The following SUMF2 variants were observed in gnomAD, a reference collection of about 807,000 sequenced individuals.
The protein encoded by SUMF2 is sulfatase modifying factor 2, also known as inactive C-alpha-formylglycine-generating enzyme 2.
Under a neutral mutation model 44.8 loss-of-function variants are expected in SUMF2, and 45 were observed. The ratio of observed to expected loss-of-function variants is 1.00; its 90% confidence interval spans 0.79 to 1.29. SUMF2 has a LOEUF of 1.29. Ranked by LOEUF, SUMF2 falls within the 50% of genes most tolerant of loss-of-function variation. SUMF2 has a pLI of 0.00. For missense variants in SUMF2, 418 were observed against 389.9 expected (o/e 1.07, Z -0.61); for synonymous variants, 148 against 150.4 (o/e 0.98, Z 0.12).
intron 2 of SUMF2, among the ~76,000 whole-genome samples, chr7:56,071,847 C>T (rs946456507): frequency 1.3e-5 from 2 of 151,776 alleles, no homozygotes; most frequent in South Asian, 4.1e-4. Flanking sequence ...CACAGTGGCT[C>T]ATGCCTGCAA....
intron 8 of SUMF2, 118 bp downstream of exon 8, chr7:56,078,626 C>A: frequency 1.7e-6 from 2 of 1,201,192 alleles, no homozygotes; most frequent in Non-Finnish European, 2.2e-6. Context: ...ATGAGCTGGT[C>A]CCAGCACCTC....
chr7:56,085,176 G>T (rs1796201099), downstream of SUMF2, among the ~76,000 whole-genome samples: 1 of 152,074 alleles, frequency 6.6e-6, no homozygotes, highest in Admixed American at 6.6e-5. Context: ...GCCCAGGCTG[G>T]TCTCGAACTC....
chr7:56,066,012 C>T (rs1467638804), intron 1 of SUMF2, among the ~76,000 whole-genome samples: 3 of 128,284 alleles, frequency 2.3e-5, no homozygotes, highest in Non-Finnish European at 4.7e-5. Flanking sequence ...ACCCAGGAGG[C>T]GGAGGTTGCA....
intron 1 of SUMF2, among the ~76,000 whole-genome samples, chr7:56,068,190 C>G (rs925127207): frequency 5.3e-5 from 8 of 151,634 alleles, no homozygotes; most frequent in Non-Finnish European, 1.2e-4. Flanking sequence ...ACTGCCACCA[C>G]GCCCGGCTAA....
At chr7:56,080,842 G>A (rs1795936637), downstream of SUMF2, 2 of 609,854 alleles carry the variant, frequency 3.3e-6, no homozygotes, top group Non-Finnish European at 5.7e-6. Context: ...CCCAGGGCCT[G>A]CCCCAGCCTG....
At chr7:56,068,239 C>T (rs1047435563) in intron 1 of SUMF2, among the ~76,000 whole-genome samples, 9 of 151,606 alleles carry the variant, frequency 5.9e-5, no homozygotes, top group Non-Finnish European at 8.8e-5. Flanking sequence ...GGGGTTTCAC[C>T]GTGTTAGCCA....
intron 3 of SUMF2, chr7:56,073,926 G>A (rs1352274139): frequency 3.6e-6 from 2 of 554,836 alleles, no homozygotes; most frequent in Non-Finnish European, 6.3e-6. Context: ...GAGGTGGGAG[G>A]ATTACCTGAG....
chr7:56,072,776 CAG>C (rs749262613), intron 2 of SUMF2, among the ~76,000 whole-genome samples: 4 of 152,132 alleles, frequency 2.6e-5, no homozygotes, highest in Non-Finnish European at 4.4e-5. Context: ...ATTAACCTCA[CAG>C]AACTAAACAC....
At chr7:56,083,227 GT>G, downstream of SUMF2, 1 of 1,563,994 alleles carries the variant, frequency 6.4e-7, no homozygotes, top group Non-Finnish European at 8.8e-7. Context: ...TCTGCAGATG[GT>G]TGATTGAGCA....
chr7:56,086,369 G>C, the SUMF2 span, among the ~76,000 whole-genome samples: 98 of 151,996 alleles, frequency 6.4e-4, no homozygotes, highest in Middle Eastern at 6.8e-3. Context: ...TAATAAAATA[G>C]AACAATTATA....
chr7:56,078,642 G>A (rs1795744586), intron 8 of SUMF2, 134 bp downstream of exon 8: 3 of 1,126,662 alleles, frequency 2.7e-6, no homozygotes, highest in Middle Eastern at 2.1e-4. Context: ...ACCTCCCTGA[G>A]CCTGTGCCCA....
intron 5 of SUMF2, among the ~76,000 whole-genome samples, chr7:56,075,837 A>G (rs974278457): frequency 3.3e-5 from 5 of 152,138 alleles, no homozygotes; most frequent in African/African-American, 4.8e-5. Flanking sequence ...AGTGAACACC[A>G]GGTACATCAG....
intron 2 of SUMF2, among the ~76,000 whole-genome samples, chr7:56,069,690 G>A (rs899027035): frequency 7.2e-5 from 11 of 151,750 alleles, no homozygotes; most frequent in Middle Eastern, 6.8e-3. Flanking sequence ...CAGCCTCTGC[G>A]TCCCAGGCTC....
At chr7:56,083,863 G>T (rs1052614930), downstream of SUMF2, 2 of 658,780 alleles carry the variant, frequency 3.0e-6, no homozygotes, top group African/African-American at 1.8e-5. Context: ...GAGAGGAGCC[G>T]GGGAAGTGAG....
chr7:56,087,675 T>C, the SUMF2 span: 3 of 1,613,978 alleles, frequency 1.9e-6, no homozygotes, highest in East Asian at 4.5e-5. Flanking sequence ...CCGCACCTCC[T>C]CCGGGCTGAA....
At chr7:56,074,008 T>G in intron 3 of SUMF2, 166 bp from the exon 4 acceptor site, 1 of 610,536 alleles carries the variant, frequency 1.6e-6, no homozygotes, top group Non-Finnish European at 2.8e-6. Context: ...GAGCAAGATC[T>G]TGTCTCAAAA....
chr7:56,080,816 G>A (rs1715348942), downstream of SUMF2: 10 of 567,350 alleles, frequency 1.8e-5, no homozygotes, highest in South Asian at 1.9e-4. Context: ...CTCAGGCCAC[G>A]TGTGATCTCT....
chr7:56,077,972 A>C (rs1795673157), intron 6 of SUMF2, 130 bp from the exon 7 acceptor site: 27 of 713,192 alleles, frequency 3.8e-5, no homozygotes, highest in Non-Finnish European at 5.8e-5. Context: ...TAGGAATCTT[A>C]GGTCACCGCC....
intron 2 of SUMF2, among the ~76,000 whole-genome samples, chr7:56,072,296 T>A (rs1185382013): frequency 6.7e-6 from 1 of 148,712 alleles, no homozygotes; most frequent in Non-Finnish European, 1.5e-5. Context: ...CGTGGTGGTA[T>A]ACGTCTGTAA....
Sources: allele counts gnomAD v4.1 joint callset (sites outside exome capture counted in the v4.1 genomes callset), GRCh38; gene constraint gnomAD v4.1.1; transcripts MANE v1.5; gene names NCBI Gene and HGNC (gene_info 2026-07-23, HGNC 2026-07-21).